The following RGS13 variants were observed in gnomAD, a reference collection of about 807,000 sequenced individuals.
RGS13 encodes regulator of G protein signaling 13.
Under a neutral mutation model 19.9 loss-of-function variants are expected in RGS13, and 14 were observed. The ratio of observed to expected loss-of-function variants is 0.70; its 90% confidence interval spans 0.46 to 1.10. The LOEUF (loss-of-function observed/expected upper bound fraction) is 1.10, where lower values mean the gene tolerates loss of function less well. Among genes scored for constraint, RGS13 ranks in the 50% least tolerant of loss-of-function variants. The probability of loss-of-function intolerance (pLI) is 0.00; values close to 1 mark genes in which losing one functional copy is unlikely to be tolerated. For missense variants in RGS13, 205 were observed against 187.1 expected (o/e 1.10, Z -0.56); for synonymous variants, 60 against 56.8 (o/e 1.06, Z -0.25).
intron 5 of RGS13, among the ~76,000 whole-genome samples, chr1:192,656,341 TTC>T (rs1463505341): frequency 1.3e-5 from 2 of 150,958 alleles, no homozygotes; most frequent in Non-Finnish European, 3.0e-5. Flanking sequence ...CAGCTTAACA[TTC>T]TGTTTTTTTT....
At chr1:192,653,186 C>A (rs1663375123) in intron 5 of RGS13, among the ~76,000 whole-genome samples, 1 of 151,852 alleles carries the variant, frequency 6.6e-6, no homozygotes. Flanking sequence ...TTTAAGAAAA[C>A]ACTAGCAATG....
intron 3 of RGS13, among the ~76,000 whole-genome samples, chr1:192,639,110 A>T (rs1359774717): frequency 6.6e-6 from 1 of 152,096 alleles, no homozygotes; most frequent in Non-Finnish European, 1.5e-5. Flanking sequence ...CTATTAGTGT[A>T]CACAGAGTCT....
intron 5 of RGS13, among the ~76,000 whole-genome samples, chr1:192,653,584 G>A (rs926221121): frequency 6.6e-6 from 1 of 151,986 alleles, no homozygotes; most frequent in African/African-American, 2.4e-5. Flanking sequence ...AATAATAATA[G>A]AGTGGCTAAA....
At chr1:192,657,121 G>C (rs1271713464) in intron 5 of RGS13, among the ~76,000 whole-genome samples, 5 of 152,024 alleles carry the variant, frequency 3.3e-5, no homozygotes, top group Admixed American at 3.3e-4. Flanking sequence ...AATTCATCAA[G>C]TTGTATTAAA....
At chr1:192,657,610 C>T (rs1663465277) in intron 5 of RGS13, among the ~76,000 whole-genome samples, 1 of 152,114 alleles carries the variant, frequency 6.6e-6, no homozygotes, top group Admixed American at 6.6e-5. Flanking sequence ...ATTTTTCATT[C>T]CTTGTCTGGT....
At chr1:192,641,240 G>GA (rs1475482013) in intron 3 of RGS13, among the ~76,000 whole-genome samples, 39 of 90,560 alleles carry the variant, frequency 4.3e-4, no homozygotes, top group African/African-American at 1.2e-3. Context: ...AAGAAAGAAA[G>GA]AAAGAAAAGA....
At chr1:192,654,114 T>TTA (rs1354057507) in intron 5 of RGS13, among the ~76,000 whole-genome samples, 8 of 151,604 alleles carry the variant, frequency 5.3e-5, no homozygotes, top group African/African-American at 7.3e-5. Context: ...AAAATATACA[T>TTA]TATATATATA....
chr1:192,638,342 ATAT>A (rs1294405829), intron 3 of RGS13, 139 bp downstream of exon 3: 1 of 151,778 alleles, frequency 6.6e-6, no homozygotes, highest in Non-Finnish European at 1.5e-5. Context: ...CTTTACTATA[ATAT>A]TATTAGTGTT....
At chr1:192,658,146 AT>A (rs572313593) in intron 5 of RGS13, 54 bp from the exon 6 acceptor site, 6 of 1,365,738 alleles carry the variant, frequency 4.4e-6, no homozygotes, top group Non-Finnish European at 5.1e-6. Context: ...TATTGCTTAG[AT>A]TTTTTTGGTG....
intron 5 of RGS13, among the ~76,000 whole-genome samples, chr1:192,653,993 C>G (rs954633445): frequency 2.0e-5 from 3 of 151,754 alleles, no homozygotes; most frequent in Non-Finnish European, 2.9e-5. Flanking sequence ...AGGAGATATA[C>G]CTAATGTAAA....
intron 5 of RGS13, among the ~76,000 whole-genome samples, chr1:192,655,700 C>G (rs1462156324): frequency 2.0e-5 from 3 of 152,082 alleles, no homozygotes; most frequent in Admixed American, 6.6e-5. Flanking sequence ...CATCAAGTAT[C>G]TGAAATATAC....
chr1:192,658,431 C>G, intron 6 of RGS13, 64 bp downstream of exon 6: 1 of 1,484,294 alleles, frequency 6.7e-7, no homozygotes, highest in South Asian at 1.3e-5. Context: ...TAATATCTGT[C>G]AAGCATCCAT....
chr1:192,658,365 G>C lies in RGS13; in HGVS notation c.292G>C (p.Glu98Gln), dbSNP rs1663486850. ...KIYIQPQSPR[E>Q]INIDSSTRET... ...TTACATCCAGCCACAGTCCCCTAGA[G>C]AGGTAACTACCTGACAATGACAGGA... The change falls in exon 6 of 7, where the codon GAG (glutamate) becomes CAG (glutamine). Residue 98 changes from glutamate to glutamine, a missense_variant and splice_region_variant. Physicochemically the swap from Glu to Gln is conservative, Grantham distance 29 (BLOSUM62 2). Coordinates refer to ENST00000391995, the MANE Select transcript of RGS13 (RefSeq NM_002927.5). 3 of 1,610,048 alleles carry C rather than the reference G, an allele frequency of 1.9e-6. No individual in the cohort carries two copies. The highest frequency in any genetic ancestry group is 1.3e-5 in the African/African-American group (1 of 74,582).
At chr1:192,654,385 C>T (rs1172635674) in intron 5 of RGS13, among the ~76,000 whole-genome samples, 1 of 151,066 alleles carries the variant, frequency 6.6e-6, no homozygotes, top group Non-Finnish European at 1.5e-5. Context: ...GAAAAAAAGA[C>T]CCACAACTCT....
intron 6 of RGS13, 104 bp from the exon 7 acceptor site, chr1:192,659,234 T>G (rs1401521948): frequency 2.9e-6 from 2 of 692,132 alleles, no homozygotes; most frequent in Non-Finnish European, 4.6e-6. Context: ...AATTACCCTA[T>G]TCCACTGAAA....
At chr1:192,651,994 T>C (rs991164341) in intron 5 of RGS13, among the ~76,000 whole-genome samples, 1 of 152,098 alleles carries the variant, frequency 6.6e-6, no homozygotes, top group Non-Finnish European at 1.5e-5. Context: ...TATTTTTCTC[T>C]GGCTTGTTCA....
intron 5 of RGS13, among the ~76,000 whole-genome samples, chr1:192,653,500 G>A (rs899130632): frequency 1.3e-5 from 2 of 151,910 alleles, no homozygotes; most frequent in African/African-American, 4.8e-5. Context: ...GAAAATAGAG[G>A]TGAAAAAGTT....
In RGS13 at chr1:192,638,399, T is replaced by C. The variant is rs562169836; in HGVS notation, c.-5+196T>C. Among the ~76,000 whole-genome samples the C allele has an allele frequency of 1.4e-4, 22 of 152,246 alleles. No homozygotes were observed. In the South Asian group the frequency reaches 4.6e-3, roughly 32 times the overall value. On this transcript the variant is annotated intron_variant, in intron 3 of 6. Coordinates refer to ENST00000391995, the MANE Select transcript of RGS13 (RefSeq NM_002927.5). The stretch of plus-strand genomic sequence containing the variant: ...AAACTCAGGTGGTCAATCTGACCTT[T>C]TGTACCTGAAGCTGGGTTAAGTATT...
chr1:192,658,478 T>A lies in RGS13; in HGVS notation c.294+111T>A, dbSNP rs925847917. ...ACTTTACATCCAGTATCTCCTAAAA[T>A]GCTATAAATTCAGTATTGCTAACCT... On this transcript the variant is annotated intron_variant, in intron 6 of 6. Coordinates refer to ENST00000391995, the MANE Select transcript of RGS13 (RefSeq NM_002927.5). 9 of 990,282 alleles carry A rather than the reference T, an allele frequency of 9.1e-6. No homozygotes were observed. In the Admixed American group the frequency reaches 2.4e-4, roughly 26 times the overall value. 61.3% of individuals were successfully genotyped at this position (990,282 alleles called of 1,614,324 possible).
Sources: gnomAD v4.1 joint callset for allele counts (sites outside exome capture counted in the v4.1 genomes callset) on GRCh38, gnomAD v4.1.1 for gene constraint, MANE v1.5 for transcripts, NCBI Gene and HGNC (gene_info 2026-07-23, HGNC 2026-07-21) for gene names.